PSD2: variants seen among roughly 807,000 people sequenced by gnomAD.
The protein encoded by PSD2 is PH and SEC7 domain-containing protein 2.
A neutral mutation model predicts 69.8 loss-of-function variants in PSD2; 38 were observed. The observed-to-expected ratio is 0.54, with a 90% confidence interval of 0.42 to 0.71. The LOEUF (loss-of-function observed/expected upper bound fraction) is 0.71, where lower values mean the gene tolerates loss of function less well. PSD2 is among the 30% of genes least tolerant of loss of function. The pLI is 0.00. For missense variants in PSD2, 943 were observed against 1,014.5 expected (o/e 0.93, Z 0.96); for synonymous variants, 412 against 423.0 (o/e 0.97, Z 0.32).
intron 7 of PSD2, among the ~76,000 whole-genome samples, chr5:139,823,203 G>A (rs993437933): frequency 6.6e-6 from 1 of 152,220 alleles, no homozygotes; most frequent in Non-Finnish European, 1.5e-5. Flanking sequence ...CTGTGAGGCT[G>A]TGTCTGGTCC....
intron 5 of PSD2, among the ~76,000 whole-genome samples, chr5:139,821,675 C>T (rs890162712): frequency 5.4e-4 from 82 of 152,312 alleles, no homozygotes; most frequent in African/African-American, 1.9e-3. Flanking sequence ...GCAATGAGGA[C>T]TGAAACTCTA....
At chr5:139,787,086 C>A in the PSD2 span, among the ~76,000 whole-genome samples, 1 of 151,984 alleles carries the variant, frequency 6.6e-6, no homozygotes, top group Non-Finnish European at 1.5e-5. Flanking sequence ...TGTGTGGCCC[C>A]AGTGGTCTTC....
At chr5:139,826,519 T>G (rs1760424592) in intron 7 of PSD2, among the ~76,000 whole-genome samples, 1 of 152,172 alleles carries the variant, frequency 6.6e-6, no homozygotes, top group Non-Finnish European at 1.5e-5. Context: ...GGTGCTGCAG[T>G]GGGCTTGGTA....
chr5:139,805,230 G>C (rs959855298), intron 1 of PSD2, among the ~76,000 whole-genome samples: 2 of 152,186 alleles, frequency 1.3e-5, no homozygotes, highest in African/African-American at 4.8e-5. Flanking sequence ...CTGCCCTTGG[G>C]TTTCCCACAG....
At chr5:139,776,770 G>A in the PSD2 span, among the ~76,000 whole-genome samples, 2 of 151,546 alleles carry the variant, frequency 1.3e-5, no homozygotes, top group Admixed American at 6.6e-5. Flanking sequence ...CTGGGCTCAA[G>A]TGATCCTCCT....
At chr5:139,773,518 C>T in the PSD2 span, among the ~76,000 whole-genome samples, 1 of 152,168 alleles carries the variant, frequency 6.6e-6, no homozygotes, top group South Asian at 2.1e-4. Flanking sequence ...ATCTTGGCCT[C>T]CCATTTTACT....
chr5:139,750,479 C>G, the PSD2 span, among the ~76,000 whole-genome samples: 2 of 152,220 alleles, frequency 1.3e-5, no homozygotes, highest in Admixed American at 1.3e-4. Context: ...AACCCCCAAC[C>G]TTCCAAAGGG....
chr5:139,765,087 C>T, the PSD2 span, among the ~76,000 whole-genome samples: 1 of 151,938 alleles, frequency 6.6e-6, no homozygotes, highest in South Asian at 2.1e-4. Context: ...CCCCCTCACC[C>T]TCTCAGTTGT....
chr5:139,764,751 C>G, the PSD2 span, among the ~76,000 whole-genome samples: 12 of 152,192 alleles, frequency 7.9e-5, no homozygotes, highest in Admixed American at 7.8e-4. Context: ...AGGGGCTGAC[C>G]TGCCTTTACT....
the PSD2 span, among the ~76,000 whole-genome samples, chr5:139,767,398 T>G: frequency 6.6e-6 from 1 of 152,112 alleles, no homozygotes; most frequent in African/African-American, 2.4e-5. Flanking sequence ...CACTGCAACC[T>G]CCACCTCCCG....
intron 4 of PSD2, among the ~76,000 whole-genome samples, 168 bp from the exon 5 acceptor site, chr5:139,817,312 AC>A (rs952211375): frequency 1.5e-5 from 2 of 136,096 alleles, no homozygotes; most frequent in African/African-American, 5.4e-5. Context: ...CCTTCCTGAC[AC>A]CCCAAGACCA....
At chr5:139,802,716 T>C (rs1759705974) in intron 1 of PSD2, among the ~76,000 whole-genome samples, 1 of 152,088 alleles carries the variant, frequency 6.6e-6, no homozygotes, top group African/African-American at 2.4e-5. Context: ...CAGCAGACTT[T>C]GTGGATTTCA....
chr5:139,781,095 G>A, the PSD2 span, among the ~76,000 whole-genome samples: 117 of 152,162 alleles, frequency 7.7e-4, no homozygotes, highest in Non-Finnish European at 1.3e-3. Flanking sequence ...AACACATTGA[G>A]CATGCCTCTA....
intron 1 of PSD2, among the ~76,000 whole-genome samples, chr5:139,799,743 G>A (rs1759620866): frequency 6.6e-6 from 1 of 152,086 alleles, no homozygotes; most frequent in South Asian, 2.1e-4. Context: ...GAGTTGTGTG[G>A]TTTGGGGGCC....
the PSD2 span, among the ~76,000 whole-genome samples, chr5:139,783,166 C>T: frequency 1.3e-5 from 2 of 152,064 alleles, no homozygotes; most frequent in Admixed American, 6.6e-5. Context: ...TGGCTGGGCA[C>T]GGTCACACCT....
At chr5:139,829,588 A>C (rs1217587513) in intron 7 of PSD2, among the ~76,000 whole-genome samples, 1 of 152,220 alleles carries the variant, frequency 6.6e-6, no homozygotes, top group East Asian at 1.9e-4. Context: ...GGGATCACAC[A>C]ATATGTGGCC....
the PSD2 span, among the ~76,000 whole-genome samples, chr5:139,758,091 A>G: frequency 6.6e-6 from 1 of 152,154 alleles, no homozygotes; most frequent in African/African-American, 2.4e-5. Context: ...CTTAGTACCA[A>G]CTTGGGTTGG....
At chr5:139,758,835 A>G in the PSD2 span, among the ~76,000 whole-genome samples, 2 of 152,226 alleles carry the variant, frequency 1.3e-5, no homozygotes, top group East Asian at 1.9e-4. Flanking sequence ...TGACCTGGGC[A>G]TGTGACTTGG....
At chr5:139,835,063 C>A (rs1760683417) in intron 8 of PSD2, among the ~76,000 whole-genome samples, 1 of 151,884 alleles carries the variant, frequency 6.6e-6, no homozygotes, top group Non-Finnish European at 1.5e-5. Flanking sequence ...CTCACCTCAA[C>A]AAACTTCTCC....
Sources: gnomAD v4.1 joint callset for allele counts (sites outside exome capture counted in the v4.1 genomes callset) on GRCh38, gnomAD v4.1.1 for gene constraint, MANE v1.5 for transcripts, NCBI Gene and HGNC (gene_info 2026-07-23, HGNC 2026-07-21) for gene names.